The following RFPL1 variants were observed in gnomAD, a reference collection of about 807,000 sequenced individuals.
RFPL1 encodes ret finger protein-like 1.
In RFPL1, 6 loss-of-function variants were observed where a neutral mutation model predicts 9.6. That is an observed-to-expected ratio of 0.62 (90% CI 0.34 to 1.23). RFPL1 has a LOEUF of 1.23. RFPL1 is among the 50% of genes most tolerant of loss of function. RFPL1 has a pLI of 0.03. For synonymous variants in RFPL1, 145 were observed against 149.4 expected, an observed-to-expected ratio of 0.97 and a Z score of 0.22; for missense variants, 352 against 398.4, an observed-to-expected ratio of 0.88 and a Z score of 0.99.
At chr22:29,396,760 C>T in the RFPL1 span, among the ~76,000 whole-genome samples, 4 of 151,278 alleles carry the variant, frequency 2.6e-5, no homozygotes, top group South Asian at 2.1e-4. Context: ...ACTACAGGCA[C>T]GTGCACCACA....
chr22:29,397,476 C>T, the RFPL1 span, among the ~76,000 whole-genome samples: 11 of 152,166 alleles, frequency 7.2e-5, no homozygotes, highest in South Asian at 2.1e-4. Flanking sequence ...AGTGGCTGGA[C>T]GAGGACAGAC....
the RFPL1 span, among the ~76,000 whole-genome samples, chr22:29,406,137 AAAAAAAAAAT>A: frequency 3.0e-4 from 21 of 69,460 alleles, 2 homozygotes; most frequent in African/African-American, 1.5e-3. Context: ...AAAAAAAAAA[AAAAAAAAAAT>A]AAAAAAAAAG....
chr22:29,435,601 C>A (rs1163567931), upstream of RFPL1, among the ~76,000 whole-genome samples: 2 of 152,194 alleles, frequency 1.3e-5, no homozygotes, highest in African/African-American at 4.8e-5. Flanking sequence ...TGGCTCCCTA[C>A]ACACTGTCTC....
the RFPL1 span, among the ~76,000 whole-genome samples, chr22:29,432,098 T>G: frequency 6.6e-6 from 1 of 152,248 alleles, no homozygotes; most frequent in Non-Finnish European, 1.5e-5. Flanking sequence ...TTAACTTGAT[T>G]GACTCTCTCT....
the RFPL1 span, among the ~76,000 whole-genome samples, chr22:29,392,574 G>A: frequency 2.0e-5 from 3 of 151,838 alleles, no homozygotes; most frequent in Non-Finnish European, 4.4e-5. Flanking sequence ...ATTTGTAGTA[G>A]AGATGGGGTT....
At chr22:29,430,660 CAT>C in the RFPL1 span, among the ~76,000 whole-genome samples, 3 of 152,124 alleles carry the variant, frequency 2.0e-5, no homozygotes, top group Admixed American at 6.5e-5. Flanking sequence ...TAAATGGTCA[CAT>C]GAGTGTGATT....
the RFPL1 span, among the ~76,000 whole-genome samples, chr22:29,421,758 G>A: frequency 6.7e-6 from 1 of 149,724 alleles, no homozygotes; most frequent in African/African-American, 2.5e-5. Flanking sequence ...ATCCCCCATC[G>A]ATCTGGCCAG....
chr22:29,404,179 A>C, the RFPL1 span, among the ~76,000 whole-genome samples: 1 of 151,928 alleles, frequency 6.6e-6, no homozygotes, highest in African/African-American at 2.4e-5. Flanking sequence ...TACATGAAAG[A>C]AAGCAGGGGG....
the RFPL1 span, among the ~76,000 whole-genome samples, chr22:29,393,154 T>C: frequency 5.9e-5 from 9 of 152,340 alleles, no homozygotes; most frequent in South Asian, 8.3e-4. Context: ...ACACCCAACC[T>C]GAACTGTGAA....
At chr22:29,439,164 G>A (rs375557452) in exon 1 of RFPL1, 173 of 1,613,530 alleles carry the variant, frequency 1.1e-4, no homozygotes, top group Non-Finnish European at 1.4e-4. Flanking sequence ...GAAGTTCCAA[G>A]GTGAGGGATC....
At chr22:29,438,000 C>T (rs563256862), upstream of RFPL1, 29 of 312,210 alleles carry the variant, frequency 9.3e-5, no homozygotes, top group Admixed American at 1.3e-3. Flanking sequence ...ACTCTGTTGT[C>T]CAGGTTGGAG....
At chr22:29,409,581 C>T in the RFPL1 span, among the ~76,000 whole-genome samples, 3 of 152,092 alleles carry the variant, frequency 2.0e-5, no homozygotes, top group Non-Finnish European at 4.4e-5. Flanking sequence ...TAGATTTGGT[C>T]GAAGATCTCA....
upstream of RFPL1, chr22:29,437,812 A>G (rs574780525): frequency 7.4e-6 from 10 of 1,355,326 alleles, no homozygotes; most frequent in African/African-American, 1.1e-4. Flanking sequence ...AATGAGAGAA[A>G]TTCGTAATTA....
the RFPL1 span, among the ~76,000 whole-genome samples, chr22:29,429,693 C>T: frequency 1.3e-5 from 2 of 152,098 alleles, no homozygotes; most frequent in African/African-American, 2.4e-5. Context: ...GTCTTACTGG[C>T]CTTACTTGTA....
the RFPL1 span, among the ~76,000 whole-genome samples, chr22:29,407,116 T>A: frequency 4.7e-5 from 6 of 128,896 alleles, no homozygotes; most frequent in South Asian, 2.5e-4. Flanking sequence ...TGTGTGTGTG[T>A]GAGAAAAGGT....
upstream of RFPL1, chr22:29,438,566 T>C: frequency 7.2e-7 from 1 of 1,382,886 alleles, no homozygotes; most frequent in Non-Finnish European, 9.4e-7. Context: ...CAGCTCGCTG[T>C]TCCTCACATG....
At chr22:29,439,322 A>C (rs1295564412) in intron 1 of RFPL1, 158 bp downstream of exon 1, 1 of 1,139,134 alleles carries the variant, frequency 8.8e-7, no homozygotes, top group Non-Finnish European at 1.2e-6. Flanking sequence ...CAACATACAG[A>C]ATCACCTGGT....
chr22:29,393,014 T>C, the RFPL1 span, among the ~76,000 whole-genome samples: 1 of 152,202 alleles, frequency 6.6e-6, no homozygotes, highest in Admixed American at 6.5e-5. Flanking sequence ...GGGCTCACTG[T>C]TGAGTATGGG....
At chr22:29,410,515 ATATTGTAGATAT>A in the RFPL1 span, among the ~76,000 whole-genome samples, 1 of 122,092 alleles carries the variant, frequency 8.2e-6, no homozygotes, top group East Asian at 2.2e-4. Flanking sequence ...AGAGAGATAT[ATATTGTAGATAT>A]ATATATCTAC....
Sources: allele counts gnomAD v4.1 joint callset (sites outside exome capture counted in the v4.1 genomes callset), GRCh38; gene constraint gnomAD v4.1.1; transcripts MANE v1.5; gene names NCBI Gene and HGNC (gene_info 2026-07-23, HGNC 2026-07-21).